The following NRG1 variants were observed in gnomAD, a reference collection of about 807,000 sequenced individuals.
NRG1 encodes pro-neuregulin-1, membrane-bound isoform.
A neutral mutation model predicts 63.8 loss-of-function variants in NRG1; 18 were observed. That is an observed-to-expected ratio of 0.28 (90% CI 0.19 to 0.42). NRG1 has a LOEUF of 0.42. Ranked by LOEUF, NRG1 falls within the 10% of genes least tolerant of loss-of-function variation. The pLI, the probability that NRG1 is intolerant of heterozygous loss-of-function variation, is 1.00. For synonymous variants in NRG1, 302 were observed against 301.3 expected, an observed-to-expected ratio of 1.00 and a Z score of -0.02; for missense variants, 762 against 814.7, an observed-to-expected ratio of 0.94 and a Z score of 0.79.
chr8:32,447,971 G>T (rs1015528674), intron 1 of NRG1, among the ~76,000 whole-genome samples: 6 of 152,068 alleles, frequency 3.9e-5, no homozygotes, highest in African/African-American at 1.2e-4. Flanking sequence ...AATCTTAGGG[G>T]TTGAAATTTT....
At chr8:31,677,205 G>A (rs553597480) in intron 1 of NRG1, among the ~76,000 whole-genome samples, 6 of 152,054 alleles carry the variant, frequency 3.9e-5, no homozygotes, top group South Asian at 2.1e-4. Context: ...ATAGGACATC[G>A]CTTTTGATAA....
intron 1 of NRG1, among the ~76,000 whole-genome samples, chr8:32,224,940 A>G (rs1009776821): frequency 2.6e-5 from 4 of 152,188 alleles, no homozygotes; most frequent in Non-Finnish European, 4.4e-5. Flanking sequence ...AGTGAGAAAC[A>G]AACTCTAGAA....
chr8:31,763,014 A>G (rs1255674481), intron 1 of NRG1, among the ~76,000 whole-genome samples: 1 of 152,226 alleles, frequency 6.6e-6, no homozygotes, highest in African/African-American at 2.4e-5. Context: ...GGTTAGTTTC[A>G]TATTTGAAAA....
chr8:32,295,388 A>G (rs1233187987), intron 1 of NRG1, among the ~76,000 whole-genome samples: 1 of 152,122 alleles, frequency 6.6e-6, no homozygotes, highest in East Asian at 1.9e-4. Context: ...TTCTGATGAA[A>G]CTGAAAGTGG....
At position 31,809,741 on chromosome 8, in the gene NRG1, G is replaced by GGT. The variant is rs1554539613; in HGVS notation, c.37+170310_37+170311insGT. Among the ~76,000 whole-genome samples the GGT allele has an allele frequency of 1.6e-3, 112 of 67,998 alleles. 8 individuals are homozygous for GGT. The highest frequency in any genetic ancestry group is 9.9e-3 in the East Asian group (25 of 2,534). 44.6% of individuals were successfully genotyped at this position (67,998 alleles called of 152,430 possible). On this transcript the variant is annotated intron_variant, in intron 1 of 10. Coordinates refer to the NRG1 transcript ENST00000519301. ...TTTTTTTCTACTCCTTCTATTAATT[G>GGT]TTTTTTTTTTTTTTTTTTTTTGAGA...
At chr8:32,601,663 GT>G (rs1292945069) in intron 2 of NRG1, among the ~76,000 whole-genome samples, 1 of 151,566 alleles carries the variant, frequency 6.6e-6, no homozygotes, top group African/African-American at 2.4e-5. Flanking sequence ...ATCCTCTCTA[GT>G]GATAAGATTT....
chr8:31,956,062 C>A lies in NRG1; in HGVS notation c.37+316631C>A, dbSNP rs947724479. Among the ~76,000 whole-genome samples, 247 of 140,440 alleles carry A rather than the reference C, an allele frequency of 1.8e-3. 1 individual carries two copies. The highest frequency in any genetic ancestry group is 7.1e-3 in the Middle Eastern group (2 of 282). 92.1% of individuals were successfully genotyped at this position (140,440 alleles called of 152,430 possible). A position where few individuals can be genotyped will look rare whatever the true frequency, so the allele number is the denominator to read the frequency against. Reference sequence around the variant, plus strand: ...TCTCAAAAAAAAAAAAACAAAAAAACAAAAAAACAAAAAACAAACCTTGGA... The same window carrying A: ...TCTCAAAAAAAAAAAAACAAAAAAAAAAAAAAACAAAAAACAAACCTTGGA... On this transcript the variant is annotated intron_variant, in intron 1 of 10. Transcript: ENST00000519301.
At chr8:31,949,378 C>T (rs1441013369) in intron 1 of NRG1, among the ~76,000 whole-genome samples, 3 of 152,190 alleles carry the variant, frequency 2.0e-5, no homozygotes, top group Admixed American at 6.5e-5. Flanking sequence ...ATCTCTACTT[C>T]TTTACCTCCC....
chr8:31,712,144 A>T (rs1392300390), intron 1 of NRG1, among the ~76,000 whole-genome samples: 12 of 127,812 alleles, frequency 9.4e-5, no homozygotes, highest in South Asian at 2.4e-4. Context: ...TCCTTATTCT[A>T]TTTTCTGTAG....
intron 1 of NRG1, among the ~76,000 whole-genome samples, chr8:32,433,081 C>A (rs1438205161): frequency 6.6e-6 from 1 of 152,032 alleles, no homozygotes; most frequent in Non-Finnish European, 1.5e-5. Context: ...TACTATCTGC[C>A]CCACAGCTAT....
intron 1 of NRG1, among the ~76,000 whole-genome samples, chr8:31,876,658 AT>A (rs1255547838): frequency 6.6e-6 from 1 of 152,154 alleles, no homozygotes; most frequent in East Asian, 1.9e-4. Context: ...TTTTTACTTA[AT>A]AAATATTGCT....
intron 1 of NRG1, among the ~76,000 whole-genome samples, chr8:31,754,983 C>G (rs1280239520): frequency 6.6e-6 from 1 of 152,076 alleles, no homozygotes; most frequent in Non-Finnish European, 1.5e-5. Context: ...AAGTTCCTTA[C>G]TAGAGAGAGC....
intron 1 of NRG1, among the ~76,000 whole-genome samples, chr8:32,522,656 C>G (rs56067952): frequency 0.053 from 8,027 of 152,286 alleles, 285 homozygotes; most frequent in Middle Eastern, 0.085. Flanking sequence ...ATTTTCTCTT[C>G]TCTTATATCT....
At chr8:32,445,184 G>A (rs1820088835) in intron 1 of NRG1, among the ~76,000 whole-genome samples, 3 of 152,108 alleles carry the variant, frequency 2.0e-5, no homozygotes. Context: ...TTTGTACACA[G>A]CCTTGTATAT....
intron 1 of NRG1, among the ~76,000 whole-genome samples, chr8:31,927,940 A>C (rs1834524860): frequency 6.7e-6 from 1 of 149,532 alleles, no homozygotes; most frequent in African/African-American, 2.5e-5. Context: ...ATTTGTATAC[A>C]TGTGCCATGT....
At chr8:31,698,531 T>G (rs2131173990) in intron 1 of NRG1, among the ~76,000 whole-genome samples, 1 of 152,354 alleles carries the variant, frequency 6.6e-6, no homozygotes. Flanking sequence ...TGTTTATATC[T>G]TCAAATCATC....
rs144948564 is a variant in NRG1 at position 32,427,179 on chromosome 8, A to C, written c.38-168649A>C. Among the ~76,000 whole-genome samples the C allele has an allele frequency of 1.4e-4, 21 of 152,296 alleles. 1 individual carries two copies. In the East Asian group the frequency reaches 4.1e-3, roughly 29 times the overall value. On this transcript the variant is annotated intron_variant, in intron 1 of 10. Transcript: ENST00000519301. Reference sequence around the variant, plus strand: ...CATCTGGGCTAACTTTAACTCTTTAAGCCCATAGAAAAAGTAGAAAAGCCA... The same window carrying C: ...CATCTGGGCTAACTTTAACTCTTTACGCCCATAGAAAAAGTAGAAAAGCCA...
chr8:31,754,354 C>G (rs902578160), intron 1 of NRG1, among the ~76,000 whole-genome samples: 5 of 152,084 alleles, frequency 3.3e-5, no homozygotes, highest in Non-Finnish European at 5.9e-5. Context: ...AGTGAGTTCT[C>G]CTGAGATCTA....
At chr8:32,216,853 C>T (rs1380470047) in intron 1 of NRG1, among the ~76,000 whole-genome samples, 1 of 151,750 alleles carries the variant, frequency 6.6e-6, no homozygotes, top group Non-Finnish European at 1.5e-5. Flanking sequence ...AATTACCTTC[C>T]CAAACCAACT....
Sources: allele counts gnomAD v4.1 joint callset (sites outside exome capture counted in the v4.1 genomes callset), GRCh38; gene constraint gnomAD v4.1.1; transcripts MANE v1.5; gene names NCBI Gene and HGNC (gene_info 2026-07-23, HGNC 2026-07-21).